RNF212B: variants seen among roughly 807,000 people sequenced by gnomAD.
RNF212B encodes ring finger protein 212B.
Under a neutral mutation model 55.5 loss-of-function variants are expected in RNF212B, and 52 were observed. The observed-to-expected ratio is 0.94, with a 90% CI of 0.75 to 1.18. The LOEUF is 1.18. Among genes scored for constraint, RNF212B ranks in the 50% most tolerant of loss-of-function variants. The pLI, the probability that RNF212B is intolerant of heterozygous loss-of-function variation, is 0.00. For missense variants in RNF212B, 289 were observed against 350.4 expected, an observed-to-expected ratio of 0.82 and a Z score of 1.40; for synonymous variants, 99 against 121.4, an observed-to-expected ratio of 0.82 and a Z score of 1.21.
At chr14:23,212,592 T>C (rs1424400692) in intron 2 of RNF212B, among the ~76,000 whole-genome samples, 2 of 152,010 alleles carry the variant, frequency 1.3e-5, no homozygotes, top group Non-Finnish European at 2.9e-5. Context: ...TTATTTATTT[T>C]TGAGACAGAG....
upstream of RNF212B, among the ~76,000 whole-genome samples, chr14:23,237,007 A>G (rs1052613008): frequency 7.1e-5 from 10 of 141,816 alleles, no homozygotes; most frequent in African/African-American, 2.7e-4. Flanking sequence ...TCCCTCAACC[A>G]GGTTGGAGTG....
chr14:23,230,226 A>C (rs1256483058), intron 2 of RNF212B: 1 of 152,178 alleles, frequency 6.6e-6, no homozygotes, highest in Non-Finnish European at 1.5e-5. Flanking sequence ...TATATGATTT[A>C]CTAATATTTT....
chr14:23,197,016 A>G (rs940510818), intron 2 of RNF212B, among the ~76,000 whole-genome samples: 1 of 152,072 alleles, frequency 6.6e-6, no homozygotes, highest in African/African-American at 2.4e-5. Context: ...TTGCTCACTA[A>G]TGTCTTCAGG....
At chr14:23,249,864 C>G (rs144879444) in intron 4 of RNF212B, among the ~76,000 whole-genome samples, 3 of 152,320 alleles carry the variant, frequency 2.0e-5, no homozygotes, top group Non-Finnish European at 4.4e-5. Context: ...TTCCTCAAAT[C>G]TGTTCCCTCT....
chr14:23,202,936 T>C (rs528621871), intron 2 of RNF212B, among the ~76,000 whole-genome samples: 2 of 152,250 alleles, frequency 1.3e-5, no homozygotes, highest in African/African-American at 4.8e-5. Flanking sequence ...TAAAGCCCTC[T>C]AACTCAATGT....
intron 1 of RNF212B, among the ~76,000 whole-genome samples, chr14:23,187,354 C>T (rs2140351383): frequency 6.6e-6 from 1 of 151,946 alleles, no homozygotes; most frequent in South Asian, 2.1e-4. Flanking sequence ...TTCCCCTACT[C>T]CCCCCTTTTT....
At chr14:23,221,817 A>G (rs1881599736) in intron 2 of RNF212B, among the ~76,000 whole-genome samples, 1 of 152,210 alleles carries the variant, frequency 6.6e-6, no homozygotes. Context: ...ATAAAACTAA[A>G]AATCAATAAC....
At chr14:23,191,341 C>G (rs1201983004) in intron 1 of RNF212B, among the ~76,000 whole-genome samples, 1 of 147,006 alleles carries the variant, frequency 6.8e-6, no homozygotes, top group African/African-American at 2.5e-5. Context: ...AAAGTGAGAC[C>G]CTGTCTCAAA....
chr14:23,270,741 G>A, intron 14 of RNF212B, 80 bp downstream of exon 14: 1 of 909,406 alleles, frequency 1.1e-6, no homozygotes, highest in Non-Finnish European at 1.8e-6. Context: ...TCAGGGTAGT[G>A]GAATATAACC....
At chr14:23,208,864 T>C (rs1207710064) in intron 2 of RNF212B, among the ~76,000 whole-genome samples, 1 of 145,690 alleles carries the variant, frequency 6.9e-6, no homozygotes, top group African/African-American at 2.6e-5. Flanking sequence ...GTTCACGCCA[T>C]TCTCCTGACT....
At chr14:23,195,204 G>A (rs1056165392) in intron 2 of RNF212B, among the ~76,000 whole-genome samples, 1 of 151,826 alleles carries the variant, frequency 6.6e-6, no homozygotes, top group Non-Finnish European at 1.5e-5. Flanking sequence ...GAGGTGGAAG[G>A]ATTGCTTGAT....
intron 1 of RNF212B, among the ~76,000 whole-genome samples, chr14:23,187,485 A>C (rs1384583884): frequency 1.3e-5 from 2 of 152,146 alleles, no homozygotes; most frequent in African/African-American, 2.4e-5. Context: ...AGTAGCTGGG[A>C]CTACAGATGT....
intron 7 of RNF212B, among the ~76,000 whole-genome samples, chr14:23,261,905 C>G (rs971748886): frequency 2.6e-5 from 4 of 151,898 alleles, no homozygotes; most frequent in Non-Finnish European, 4.4e-5. Flanking sequence ...GCAGAGCTGG[C>G]AGTAGTGAGC....
At chr14:23,219,450 T>C (rs922921039) in intron 2 of RNF212B, among the ~76,000 whole-genome samples, 1 of 150,292 alleles carries the variant, frequency 6.7e-6, no homozygotes, top group East Asian at 1.9e-4. Context: ...GAAGTTGAAG[T>C]GTAGCGCTCT....
intron 1 of RNF212B, among the ~76,000 whole-genome samples, chr14:23,238,271 T>TA (rs1883276907): frequency 6.6e-6 from 1 of 151,988 alleles, no homozygotes; most frequent in African/African-American, 2.4e-5. Context: ...AGTGGTTTTT[T>TA]AGACTCACTT....
rs1182142805 is a variant in RNF212B at position 23,208,757 on chromosome 14, G to GGTT, written c.-2+15356_-2+15357insGTT. ...GCAGTCCCAAGGGCTGCTGGTTGCCGTTTTTTTTTTTTTTTTTTTGAGACG... is the reference window on the plus strand; with the variant it reads ...GCAGTCCCAAGGGCTGCTGGTTGCCGGTTTTTTTTTTTTTTTTTTTTTGAGACG... On this transcript the variant is annotated intron_variant, in intron 2 of 15. Transcript: ENST00000399910. Among the ~76,000 whole-genome samples the GGTT allele has an allele frequency of 1.5e-4, 15 of 98,110 alleles. 1 individual carries two copies. The highest frequency in any genetic ancestry group is 1.8e-4 in the African/African-American group (4 of 21,884). 64.4% of individuals were successfully genotyped at this position (98,110 alleles called of 152,430 possible).
intron 2 of RNF212B, among the ~76,000 whole-genome samples, chr14:23,241,543 C>T (rs1227124672): frequency 6.6e-6 from 1 of 151,948 alleles, no homozygotes; most frequent in Non-Finnish European, 1.5e-5. Flanking sequence ...CATGTCTCAG[C>T]CACTTGAGTA....
chr14:23,201,824 C>A (rs759088744), intron 2 of RNF212B, among the ~76,000 whole-genome samples: 4 of 152,140 alleles, frequency 2.6e-5, no homozygotes, highest in Admixed American at 6.6e-5. Flanking sequence ...ATTTTCTAAA[C>A]CTGAAGCCCT....
At chr14:23,226,913 G>T (rs1255549055) in intron 2 of RNF212B, among the ~76,000 whole-genome samples, 1 of 149,932 alleles carries the variant, frequency 6.7e-6, no homozygotes, top group Non-Finnish European at 1.5e-5. Context: ...AGACTGCTAA[G>T]ATTACAGACA....
Sources: gnomAD v4.1 joint callset for allele counts (sites outside exome capture counted in the v4.1 genomes callset) on GRCh38, gnomAD v4.1.1 for gene constraint, MANE v1.5 for transcripts, NCBI Gene and HGNC (gene_info 2026-07-23, HGNC 2026-07-21) for gene names.